The following SNX29 variants were observed in gnomAD, a reference collection of about 807,000 sequenced individuals.
SNX29 encodes the protein sorting nexin 29.
Under a neutral mutation model 102.1 loss-of-function variants are expected in SNX29, and 78 were observed. The ratio of observed to expected loss-of-function variants is 0.76; its 90% confidence interval spans 0.64 to 0.92. The LOEUF (loss-of-function observed/expected upper bound fraction) is 0.92. Among genes scored for constraint, SNX29 ranks in the 40% least tolerant of loss-of-function variants. The pLI is 0.00. For synonymous variants in SNX29, 580 were observed against 414.5 expected, an observed-to-expected ratio of 1.40 and a Z score of -4.85; for missense variants, 1,280 against 1,061.7, an observed-to-expected ratio of 1.21 and a Z score of -2.86.
intron 20 of SNX29, among the ~76,000 whole-genome samples, chr16:12,539,352 C>A (rs974654197): frequency 1.1e-4 from 16 of 152,000 alleles, no homozygotes; most frequent in African/African-American, 3.9e-4. Flanking sequence ...TAAATGGAAT[C>A]ATACTGTAAG....
At chr16:12,099,754 G>A (rs921862750) in intron 11 of SNX29, among the ~76,000 whole-genome samples, 1 of 152,038 alleles carries the variant, frequency 6.6e-6, no homozygotes, top group Non-Finnish European at 1.5e-5. Context: ...GCTGAGGGAC[G>A]GAGCAGAATG....
At chr16:12,092,665 C>A (rs1307106242) in intron 11 of SNX29, among the ~76,000 whole-genome samples, 1 of 152,180 alleles carries the variant, frequency 6.6e-6, no homozygotes, top group Non-Finnish European at 1.5e-5. Flanking sequence ...GAGGAGGCTT[C>A]CCTCAAGGAT....
chr16:12,329,467 G>C (rs1168651139), intron 15 of SNX29, among the ~76,000 whole-genome samples: 2 of 152,048 alleles, frequency 1.3e-5, no homozygotes, highest in Non-Finnish European at 2.9e-5. Flanking sequence ...CATGGTGCCT[G>C]GCACATAAAC....
rs553820996 is a variant in SNX29, at chr16:12,544,222, C to T, written c.2318+19381C>T. ...GCTTCAGAACCGTGACAGCCGGTTCCTCACCACACCAAGATTGAAACTAAC... is the reference window on the plus strand; with the variant it reads ...GCTTCAGAACCGTGACAGCCGGTTCTTCACCACACCAAGATTGAAACTAAC... On this transcript the variant is annotated intron_variant, in intron 20 of 20. Transcript: ENST00000566228. Among the ~76,000 whole-genome samples, 42 of 152,332 alleles carry T rather than the reference C, an allele frequency of 2.8e-4. 1 individual carries two copies. Among genetic ancestry groups the T allele is most frequent in the African/African-American group, 1.0e-3 (42 of 41,578 alleles).
rs1362872603 is a variant in SNX29, at chr16:12,080,719, C to T, written c.1402+1804C>T. On this transcript the variant is annotated intron_variant, in intron 11 of 20. Coordinates refer to ENST00000566228, the MANE Select transcript of SNX29 (RefSeq NM_032167.5). Reference sequence around the variant, plus strand: ...TTTTTTTTTTTTTTTGAGACAGAGTCTTGCTCTTGTCTCCCAGGCTGGAGT... The same window carrying T: ...TTTTTTTTTTTTTTTGAGACAGAGTTTTGCTCTTGTCTCCCAGGCTGGAGT... 3.0e-5 allele frequency among the ~76,000 whole-genome samples: 4 copies of T among 134,914 alleles called. No individual in the cohort carries two copies. The East Asian group carries it at 9.0e-4, about 30-fold the overall frequency. The allele number at this position is 134,914 out of a possible 152,430, so 88.5% of individuals were successfully genotyped here. A position where few individuals can be genotyped will look rare whatever the true frequency, so the allele number is the denominator to read the frequency against.
intron 20 of SNX29, among the ~76,000 whole-genome samples, chr16:12,525,903 C>T (rs1349365319): frequency 6.6e-6 from 1 of 152,106 alleles, no homozygotes; most frequent in South Asian, 2.1e-4. Flanking sequence ...GTCCTTTTGA[C>T]GTCCCTGCCT....
chr16:12,048,421 C>G lies in SNX29; in HGVS notation c.549C>G (p.Asn183Lys). Residue 183 changes from asparagine to lysine, a missense_variant, in exon 7 of 21, where the codon AAC becomes AAG. Transcript: ENST00000566228. ...FAINIDNKDL[N>K]GQSKFAPTVS... ...TTAACATCGACAACAAGGATTTGAA[C>G]GGGCAGAGTAAGTTTGCTCCCACCG... is the stretch of plus-strand genomic sequence containing the variant. 1 of 1,613,792 alleles carries G rather than the reference C, an allele frequency of 6.2e-7. No homozygotes were observed. Among genetic ancestry groups the G allele is most frequent in the Non-Finnish European group, 8.5e-7 (1 of 1,179,842 alleles).
At chr16:12,563,153 G>C (rs554359220) in intron 20 of SNX29, among the ~76,000 whole-genome samples, 8 of 150,552 alleles carry the variant, frequency 5.3e-5, no homozygotes, top group African/African-American at 1.9e-4. Context: ...CCCAGCTCCA[G>C]GGGGGGCAAC....
chr16:12,216,201 TATC>T (rs2077319153), intron 14 of SNX29, among the ~76,000 whole-genome samples: 1 of 152,172 alleles, frequency 6.6e-6, no homozygotes, highest in Non-Finnish European at 1.5e-5. Context: ...GAAAATAAAA[TATC>T]ATTGATAAAC....
intron 3 of SNX29, among the ~76,000 whole-genome samples, chr16:12,015,222 A>G (rs1030670262): frequency 1.3e-5 from 2 of 151,922 alleles, no homozygotes; most frequent in African/African-American, 4.8e-5. Context: ...GCACTGAAAC[A>G]TTTCCAAGTT....
At chr16:12,058,711 C>G (rs1188292158) in intron 8 of SNX29, among the ~76,000 whole-genome samples, 1 of 149,890 alleles carries the variant, frequency 6.7e-6, no homozygotes, top group Non-Finnish European at 1.5e-5. Context: ...CCAGGCTGGT[C>G]TTGAACTCCT....
chr16:12,381,301 T>C, intron 16 of SNX29, among the ~76,000 whole-genome samples: 1 of 62,544 alleles, frequency 1.6e-5, no homozygotes, highest in Non-Finnish European at 3.0e-5. Flanking sequence ...CACCCACCCA[T>C]TATCCATCTA....
chr16:12,188,101 A>G (rs2076555997), intron 13 of SNX29, among the ~76,000 whole-genome samples: 1 of 152,140 alleles, frequency 6.6e-6, no homozygotes, highest in Non-Finnish European at 1.5e-5. Context: ...GTCCTCCTTG[A>G]TTTGGAATAT....
At chr16:12,463,355 A>C (rs2086897998) in intron 18 of SNX29, among the ~76,000 whole-genome samples, 1 of 152,236 alleles carries the variant, frequency 6.6e-6, no homozygotes, top group Non-Finnish European at 1.5e-5. Flanking sequence ...AGTTTACAAA[A>C]GAAAGAGCTT....
intron 15 of SNX29, among the ~76,000 whole-genome samples, chr16:12,296,214 C>T (rs975045622): frequency 6.6e-6 from 1 of 152,138 alleles, no homozygotes; most frequent in African/African-American, 2.4e-5. Context: ...TAATGACTGC[C>T]TTCCTGGTGT....
chr16:12,064,935 C>T (rs756368066), intron 9 of SNX29, among the ~76,000 whole-genome samples: 12 of 152,228 alleles, frequency 7.9e-5, no homozygotes, highest in Non-Finnish European at 1.8e-4. Flanking sequence ...TGGAGGGCTC[C>T]TCACCTTAGG....
intron 20 of SNX29, among the ~76,000 whole-genome samples, chr16:12,567,560 G>A (rs60215082): frequency 0.27 from 41,727 of 151,752 alleles, 6,096 homozygotes; most frequent in East Asian, 0.44. Flanking sequence ...TGAGCAAGAG[G>A]ATCACTTGAG....
chr16:12,303,452 A>G (rs149573939), intron 15 of SNX29, among the ~76,000 whole-genome samples: 86 of 152,362 alleles, frequency 5.6e-4, no homozygotes, highest in African/African-American at 2.1e-3. Flanking sequence ...GGATGGATCT[A>G]ATGAAAATTG....
intron 18 of SNX29, among the ~76,000 whole-genome samples, chr16:12,431,108 T>TC (rs1229161073): frequency 6.6e-6 from 1 of 152,148 alleles, no homozygotes. Context: ...CACCTCGGCC[T>TC]CCCAAAGTGC....
Sources: allele counts gnomAD v4.1 joint callset (sites outside exome capture counted in the v4.1 genomes callset), GRCh38; gene constraint gnomAD v4.1.1; transcripts MANE v1.5; gene names NCBI Gene and HGNC (gene_info 2026-07-23, HGNC 2026-07-21).